Variants in CLEC2A observed in about 807,000 individuals in gnomAD.
CLEC2A encodes C-type lectin domain family 2 member A.
In CLEC2A, 19 loss-of-function variants were observed where a neutral mutation model predicts 18.6. The ratio of observed to expected loss-of-function variants is 1.02; its 90% confidence interval spans 0.71 to 1.50. The LOEUF is 1.50. Among genes scored for constraint, CLEC2A ranks in the 40% most tolerant of loss-of-function variants. CLEC2A has a pLI of 0.00. For missense variants in CLEC2A, 190 were observed against 207.9 expected (o/e 0.91, Z 0.53); for synonymous variants, 74 against 64.0 (o/e 1.16, Z -0.75).
downstream of CLEC2A, chr12:9,898,645 A>G (rs1042286782): frequency 1.7e-5 from 7 of 419,002 alleles, no homozygotes; most frequent in Admixed American, 3.5e-5. Flanking sequence ...AGCTATGTCC[A>G]CTATGTAAAT....
downstream of CLEC2A, chr12:9,898,540 G>A (rs759361968): frequency 1.7e-5 from 3 of 177,384 alleles, no homozygotes; most frequent in African/African-American, 2.4e-5. Context: ...ACTCATCTCA[G>A]TGATTGGCAT....
At chr12:9,881,910 G>A in the CLEC2A span, among the ~76,000 whole-genome samples, 1 of 152,054 alleles carries the variant, frequency 6.6e-6, no homozygotes, top group East Asian at 1.9e-4. Context: ...TGTAGCATAA[G>A]AACATCACTT....
chr12:9,922,320 TC>T, intron 2 of CLEC2A, 88 bp from the exon 3 acceptor site: 1 of 1,209,172 alleles, frequency 8.3e-7, no homozygotes, highest in Non-Finnish European at 1.1e-6. Context: ...ACTTTTTGCT[TC>T]CACAGTTTGA....
chr12:9,893,791 C>A (rs556222789), downstream of CLEC2A, among the ~76,000 whole-genome samples: 12 of 152,018 alleles, frequency 7.9e-5, no homozygotes, highest in South Asian at 2.5e-3. Flanking sequence ...TGTCACCTGG[C>A]AGTTTAATTG....
At chr12:9,914,215 G>C (rs576418113) in intron 4 of CLEC2A, among the ~76,000 whole-genome samples, 1 of 151,390 alleles carries the variant, frequency 6.6e-6, no homozygotes, top group African/African-American at 2.4e-5. Flanking sequence ...CTAAGAGACT[G>C]CTTATAGTCT....
At chr12:9,900,922 C>G (rs1315223392) in intron 4 of CLEC2A, among the ~76,000 whole-genome samples, 1 of 152,040 alleles carries the variant, frequency 6.6e-6, no homozygotes, top group Non-Finnish European at 1.5e-5. Flanking sequence ...TGCAAACAAC[C>G]ATATTGCCAT....
chr12:9,889,035 T>C, the CLEC2A span, among the ~76,000 whole-genome samples: 1 of 152,190 alleles, frequency 6.6e-6, no homozygotes, highest in Non-Finnish European at 1.5e-5. Context: ...ATAGTGGATT[T>C]CCTGCCATAC....
chr12:9,926,554 G>A (rs1445242850), intron 1 of CLEC2A, among the ~76,000 whole-genome samples: 1 of 152,082 alleles, frequency 6.6e-6, no homozygotes, highest in Non-Finnish European at 1.5e-5. Flanking sequence ...TCGAGAGAGT[G>A]GTGAGTGGAG....
At chr12:9,879,779 A>G in the CLEC2A span, among the ~76,000 whole-genome samples, 60 of 152,214 alleles carry the variant, frequency 3.9e-4, no homozygotes, top group Non-Finnish European at 6.9e-4. Flanking sequence ...ACTTGATCCA[A>G]CTTGACCACT....
chr12:9,881,530 G>A, the CLEC2A span: 2 of 1,189,250 alleles, frequency 1.7e-6, no homozygotes, highest in African/African-American at 1.5e-5. Flanking sequence ...CATATCCAAG[G>A]TTGAGATTAG....
At chr12:9,903,399 A>G (rs1862863592) in intron 4 of CLEC2A, among the ~76,000 whole-genome samples, 2 of 152,322 alleles carry the variant, frequency 1.3e-5, no homozygotes, top group Admixed American at 6.5e-5. Flanking sequence ...AGAAGTAAGG[A>G]TTGAGGACAT....
At chr12:9,881,882 A>G in the CLEC2A span, among the ~76,000 whole-genome samples, 1 of 152,186 alleles carries the variant, frequency 6.6e-6, no homozygotes, top group Non-Finnish European at 1.5e-5. Context: ...GAATATGACG[A>G]TGTGTAATCC....
At chr12:9,884,413 C>T in the CLEC2A span, among the ~76,000 whole-genome samples, 1 of 151,600 alleles carries the variant, frequency 6.6e-6, no homozygotes, top group Non-Finnish European at 1.5e-5. Context: ...TGGATATTTC[C>T]AGTACAGTGA....
chr12:9,927,397 T>C (rs948621357), intron 1 of CLEC2A, among the ~76,000 whole-genome samples: 9 of 152,218 alleles, frequency 5.9e-5, no homozygotes, highest in African/African-American at 2.2e-4. Flanking sequence ...CAATCTGTCA[T>C]TGACCAAAAC....
At chr12:9,889,007 T>C in the CLEC2A span, among the ~76,000 whole-genome samples, 1 of 152,136 alleles carries the variant, frequency 6.6e-6, no homozygotes, top group East Asian at 1.9e-4. Flanking sequence ...AGGGTTTTAG[T>C]GAGTCAACAA....
At chr12:9,902,571 C>T (rs768554842) in intron 4 of CLEC2A, among the ~76,000 whole-genome samples, 6 of 151,616 alleles carry the variant, frequency 4.0e-5, no homozygotes, top group Non-Finnish European at 8.8e-5. Flanking sequence ...TGCTCAGTGC[C>T]GGGCAACCCG....
At chr12:9,920,650 G>A (rs1201787436) in intron 3 of CLEC2A, among the ~76,000 whole-genome samples, 1 of 152,154 alleles carries the variant, frequency 6.6e-6, no homozygotes, top group Non-Finnish European at 1.5e-5. Context: ...CACCCCTTCA[G>A]TTCCTCTCTT....
At chr12:9,877,838 T>A in the CLEC2A span, among the ~76,000 whole-genome samples, 1 of 152,174 alleles carries the variant, frequency 6.6e-6, no homozygotes, top group Admixed American at 6.5e-5. Context: ...ATTGAATGAA[T>A]CAATATACGA....
downstream of CLEC2A, chr12:9,898,671 T>C (rs1393517743): frequency 2.2e-6 from 1 of 456,006 alleles, no homozygotes; most frequent in African/African-American, 1.9e-5. Flanking sequence ...AATTAACTCC[T>C]TCAAGAAGTT....
Sources: gnomAD v4.1 joint callset for allele counts (sites outside exome capture counted in the v4.1 genomes callset) on GRCh38, gnomAD v4.1.1 for gene constraint, MANE v1.5 for transcripts, NCBI Gene and HGNC (gene_info 2026-07-23, HGNC 2026-07-21) for gene names.